ARMC2: variants seen among roughly 807,000 people sequenced by gnomAD.
ARMC2 encodes armadillo repeat-containing protein 2.
In ARMC2, 67 loss-of-function variants were observed where a neutral mutation model predicts 90.3. The observed-to-expected ratio is 0.74, with a 90% CI of 0.61 to 0.91. The LOEUF (loss-of-function observed/expected upper bound fraction) is 0.91. Ranked by LOEUF, ARMC2 falls within the 40% of genes least tolerant of loss-of-function variation. ARMC2 has a pLI of 0.00. For synonymous variants in ARMC2, 393 were observed against 393.0 expected (o/e 1.00, Z 0.00); for missense variants, 920 against 1,030.9 (o/e 0.89, Z 1.47).
chr6:108,991,938 T>C, the ARMC2 span, among the ~76,000 whole-genome samples: 2 of 152,198 alleles, frequency 1.3e-5, no homozygotes, highest in Non-Finnish European at 2.9e-5. Flanking sequence ...AGCTTAATTA[T>C]TGTCTAGTCT....
chr6:108,873,722 T>C (rs118118382), intron 4 of ARMC2, among the ~76,000 whole-genome samples: 238 of 152,334 alleles, frequency 1.6e-3, no homozygotes, highest in Non-Finnish European at 2.7e-3. Context: ...TGTTCTCTTT[T>C]CTTCAAGCTG....
At chr6:109,040,692 G>A in the ARMC2 span, among the ~76,000 whole-genome samples, 4 of 147,140 alleles carry the variant, frequency 2.7e-5, no homozygotes, top group Non-Finnish European at 6.0e-5. Context: ...TCGCTCTGTC[G>A]CCCAGGCTGG....
intron 13 of ARMC2, among the ~76,000 whole-genome samples, chr6:108,954,538 G>C (rs1004928469): frequency 6.6e-6 from 1 of 152,148 alleles, no homozygotes; most frequent in Non-Finnish European, 1.5e-5. Flanking sequence ...CAGGAGAATC[G>C]CTTGAACTCA....
At position 108,969,760 on chromosome 6, in the gene ARMC2, G is replaced by T. The variant is rs116225110; in HGVS notation, c.2447-3597G>T. On this transcript the variant is annotated intron_variant, in intron 17 of 17. Coordinates refer to ENST00000392644, the MANE Select transcript of ARMC2 (RefSeq NM_032131.6). ...CAAATCTTAAAAAGAATTAATCAAAGGCTGAGTGCAATGGCTCATGCCTGT... is the reference window on the plus strand; with the variant it reads ...CAAATCTTAAAAAGAATTAATCAAATGCTGAGTGCAATGGCTCATGCCTGT... Among the ~76,000 whole-genome samples the T allele has an allele frequency of 4.8e-4, 73 of 152,296 alleles. 1 individual carries two copies. The highest frequency in any genetic ancestry group is 1.7e-3 in the African/African-American group (71 of 41,566).
intron 1 of ARMC2, among the ~76,000 whole-genome samples, chr6:108,849,080 T>C: frequency 6.6e-6 from 1 of 152,212 alleles, no homozygotes; most frequent in Non-Finnish European, 1.5e-5. Context: ...ATACAGTTTA[T>C]ATCTGGGCAC....
intron 1 of ARMC2, among the ~76,000 whole-genome samples, chr6:108,852,645 C>G (rs1456487354): frequency 6.6e-6 from 1 of 152,118 alleles, no homozygotes; most frequent in East Asian, 1.9e-4. Flanking sequence ...TATTATTACT[C>G]CCCACAGAAC....
Position 108,973,532 on chromosome 6 carries a change from G to A in ARMC2, c.*18G>A. 6.3e-7 allele frequency: 1 copy of A among 1,589,108 alleles called. No homozygotes were observed. Among genetic ancestry groups the A allele is most frequent in the South Asian group, 1.1e-5 (1 of 87,430 alleles). On this transcript the variant is annotated 3_prime_UTR_variant, in exon 18 of 18. Transcript: ENST00000392644. ...CTTTCTAACATGATGCAGATTAACA[G>A]TAGAAACGAGAACTCACGTCTCCCT...
At chr6:109,028,870 G>A in the ARMC2 span, among the ~76,000 whole-genome samples, 1 of 152,126 alleles carries the variant, frequency 6.6e-6, no homozygotes, top group East Asian at 1.9e-4. Flanking sequence ...ATCTGCAGCT[G>A]AAGAAATGAA....
chr6:108,882,115 T>C (rs568665741), intron 5 of ARMC2, among the ~76,000 whole-genome samples: 45 of 151,632 alleles, frequency 3.0e-4, no homozygotes, highest in African/African-American at 1.0e-3. Context: ...AGAGAAATTA[T>C]AGATAATGTG....
intron 13 of ARMC2, among the ~76,000 whole-genome samples, chr6:108,960,218 ACCCCGGGTGATTCCTC>A (rs1177581786): frequency 5.3e-5 from 8 of 151,816 alleles, no homozygotes; most frequent in African/African-American, 1.7e-4. Flanking sequence ...GGCGGGGGAC[ACCCCGGGTGATTCCTC>A]TCCCTCACAC....
chr6:108,904,452 C>A, intron 8 of ARMC2, 47 bp downstream of exon 8: 8 of 1,475,550 alleles, frequency 5.4e-6, no homozygotes, highest in Non-Finnish European at 7.3e-6. Flanking sequence ...CACATAAAAG[C>A]TTTGTTTAAT....
chr6:109,045,454 GCATATAATTC>G, the ARMC2 span, among the ~76,000 whole-genome samples: 13,332 of 152,092 alleles, frequency 0.088, 1,428 homozygotes, highest in African/African-American at 0.25. Flanking sequence ...TCTTCACATG[GCATATAATTC>G]CATTTCAGAT....
intron 5 of ARMC2, among the ~76,000 whole-genome samples, chr6:108,885,122 A>C (rs533518140): frequency 2.0e-5 from 3 of 152,180 alleles, no homozygotes; most frequent in Non-Finnish European, 4.4e-5. Flanking sequence ...AAGGTTAACT[A>C]AGTTAAGCTA....
chr6:108,955,786 G>A (rs1777536114), intron 13 of ARMC2, among the ~76,000 whole-genome samples: 1 of 152,240 alleles, frequency 6.6e-6, no homozygotes, highest in Non-Finnish European at 1.5e-5. Flanking sequence ...TTCAGCATTT[G>A]CTCTGTAGCA....
the ARMC2 span, chr6:108,994,473 A>G: frequency 1.9e-6 from 3 of 1,611,972 alleles, no homozygotes; most frequent in Admixed American, 1.7e-5. Flanking sequence ...TGAAGAGAAG[A>G]CAAACATACT....
chr6:108,905,538 GAAA>G (rs59313750), intron 8 of ARMC2, among the ~76,000 whole-genome samples: 1 of 130,150 alleles, frequency 7.7e-6, no homozygotes, highest in Admixed American at 7.8e-5. Context: ...AAAGAGTGAG[GAAA>G]AAAAAAAAAA....
chr6:108,850,315 TCTC>T (rs527434540), intron 1 of ARMC2, among the ~76,000 whole-genome samples: 189 of 152,260 alleles, frequency 1.2e-3, no homozygotes, highest in African/African-American at 4.4e-3. Context: ...GAAATCAGCT[TCTC>T]CTCCTGTTTC....
intron 8 of ARMC2, chr6:108,907,549 T>C: frequency 7.4e-7 from 1 of 1,349,750 alleles, no homozygotes; most frequent in Non-Finnish European, 1.0e-6. Flanking sequence ...CGAGATTGTG[T>C]TCCTCACAGA....
At chr6:108,984,547 A>G in the ARMC2 span, among the ~76,000 whole-genome samples, 1 of 152,114 alleles carries the variant, frequency 6.6e-6, no homozygotes, top group African/African-American at 2.4e-5. Context: ...ATATCACCAC[A>G]TTGAGGATTA....
Sources: gnomAD v4.1 joint callset for allele counts (sites outside exome capture counted in the v4.1 genomes callset) on GRCh38, gnomAD v4.1.1 for gene constraint, MANE v1.5 for transcripts, NCBI Gene and HGNC (gene_info 2026-07-23, HGNC 2026-07-21) for gene names.